Variants in TMEM19 observed in about 807,000 individuals in gnomAD.
TMEM19 encodes transmembrane protein 19.
Under a neutral mutation model 33.6 loss-of-function variants are expected in TMEM19, and 21 were observed. The ratio of observed to expected loss-of-function variants is 0.62; its 90% confidence interval spans 0.44 to 0.90. The LOEUF (loss-of-function observed/expected upper bound fraction) is 0.90. Ranked by LOEUF, TMEM19 falls within the 40% of genes least tolerant of loss-of-function variation. The pLI is 0.00. For missense variants in TMEM19, 402 were observed against 401.8 expected, an observed-to-expected ratio of 1.00 and a Z score of 0.00; for synonymous variants, 149 against 147.5, an observed-to-expected ratio of 1.01 and a Z score of -0.07.
intron 3 of TMEM19, 60 bp from the exon 4 acceptor site, chr12:71,697,220 G>T: frequency 6.5e-7 from 1 of 1,545,674 alleles, no homozygotes; most frequent in Non-Finnish European, 8.6e-7. Context: ...ACCTATAACT[G>T]CATGGTTTTT....
At position 71,698,958 on chromosome 12, in the gene TMEM19, T is replaced by A; in HGVS notation, c.696T>A (p.Phe232Leu). 2 of 1,614,202 alleles carry A rather than the reference T, an allele frequency of 1.2e-6. No homozygotes were observed. The highest frequency in any genetic ancestry group is 4.5e-5 in the East Asian group (2 of 44,882). ...GLVSSLLGGT[F>L]VGIAYFLTQL... ...TCTCCAGTCTCCTTGGTGGTACCTT[T>A]GTGGGCATTGCATACTTCCTCACAC... The change falls in exon 5 of 6, where the codon TTT becomes TTA. Residue 232 changes from phenylalanine to leucine, a missense_variant. By Grantham distance (22) the Phe-to-Leu change is conservative. Coordinates refer to ENST00000266673, the MANE Select transcript of TMEM19 (RefSeq NM_018279.4).
intron 2 of TMEM19, among the ~76,000 whole-genome samples, chr12:71,691,469 TA>T (rs1188116184): frequency 6.6e-6 from 1 of 151,664 alleles, no homozygotes. Context: ...TATGCTTTGC[TA>T]AAAAAAGTTC....
intron 4 of TMEM19, 65 bp from the exon 5 acceptor site, chr12:71,698,835 C>T (rs931408211): frequency 7.0e-7 from 1 of 1,427,602 alleles, no homozygotes; most frequent in Non-Finnish European, 9.8e-7. Flanking sequence ...AGGTACCTTG[C>T]TGTCCTTGCC....
In TMEM19 at chr12:71,689,689, A is replaced by C; in HGVS notation, c.229A>C (p.Ser77Arg). The C allele has an allele frequency of 6.2e-7, 1 of 1,612,472 alleles. No individual in the cohort carries two copies. Among genetic ancestry groups the C allele is most frequent in the Non-Finnish European group, 8.5e-7 (1 of 1,178,606 alleles). The stretch of plus-strand genomic sequence containing the variant: ...CCTTAAAAAGAAAAGTCTAGATCAC[A>C]GTGGGGCTCTAGGAGGTATGTTTTT... Reference protein sequence around the residue: ...NGLKKKSLDHSGALGGLVVGF... With the variant: ...NGLKKKSLDHRGALGGLVVGF... Residue 77 changes from serine to arginine, a missense_variant, in exon 2 of 6, where the codon AGT (serine) becomes CGT (arginine). Physicochemically the swap from Ser to Arg is moderately radical, Grantham distance 110 (BLOSUM62 -1). Coordinates refer to ENST00000266673, the MANE Select transcript of TMEM19 (RefSeq NM_018279.4).
chr12:71,693,860 G>A (rs757611785), intron 2 of TMEM19, among the ~76,000 whole-genome samples: 5 of 152,082 alleles, frequency 3.3e-5, no homozygotes, highest in Non-Finnish European at 5.9e-5. Flanking sequence ...CTTGCCTGCC[G>A]CTATGTAAGA....
At chr12:71,700,732 C>T (rs948494639) in intron 5 of TMEM19, 100 bp from the exon 6 acceptor site, 1 of 1,220,118 alleles carries the variant, frequency 8.2e-7, no homozygotes, top group Non-Finnish European at 1.1e-6. Context: ...TACATGTACC[C>T]TAGAACTTAA....
In TMEM19 at chr12:71,704,798, G is replaced by A. The variant is rs540182828; in HGVS notation, c.*3803G>A. 5 of 152,056 alleles carry A rather than the reference G, an allele frequency of 3.3e-5. No individual in the cohort carries two copies. Among genetic ancestry groups the A allele is most frequent in the Non-Finnish European group, 7.3e-5 (5 of 68,050 alleles). 9.4% of individuals were successfully genotyped at this position (152,056 alleles called of 1,614,324 possible). A position where few individuals can be genotyped will look rare whatever the true frequency, so the allele number is the denominator to read the frequency against. ...GAGCGTGCCACCGCACTCCAGCCTG[G>A]GTGACAGAGCAAGACTCCATCTTGA... On this transcript the variant is annotated 3_prime_UTR_variant, in exon 6 of 6. Transcript: ENST00000266673.
At position 71,703,784 on chromosome 12, in the gene TMEM19, C is replaced by G; in HGVS notation, c.*2789C>G. 4.1e-6 allele frequency: 1 copy of G among 245,720 alleles called. No homozygotes were observed. The highest frequency in any genetic ancestry group is 4.7e-5 in the Admixed American group (1 of 21,468). The allele number at this position is 245,720 out of a possible 1,614,324, so 15.2% of individuals were successfully genotyped here. On this transcript the variant is annotated 3_prime_UTR_variant, in exon 6 of 6. Coordinates refer to ENST00000266673, the MANE Select transcript of TMEM19 (RefSeq NM_018279.4). ...CTAAAGATCATAAAGAGCCTCAGAT[C>G]AAGTTTGGTCAGGTTTTGTCACCAA...
chr12:71,700,547 T>C (rs1426407956), intron 5 of TMEM19, among the ~76,000 whole-genome samples: 1 of 152,154 alleles, frequency 6.6e-6, no homozygotes, highest in Non-Finnish European at 1.5e-5. Flanking sequence ...TCCAGAGGTA[T>C]TGACAGAAAA....
chr12:71,700,607 A>G (rs1356211854), intron 5 of TMEM19, among the ~76,000 whole-genome samples: 2 of 152,214 alleles, frequency 1.3e-5, no homozygotes, highest in African/African-American at 4.8e-5. Context: ...CAAGGGTCCC[A>G]TGTCTCTCAT....
chr12:71,692,676 C>T (rs1224683734), intron 2 of TMEM19, among the ~76,000 whole-genome samples: 2 of 152,026 alleles, frequency 1.3e-5, no homozygotes, highest in Non-Finnish European at 2.9e-5. Context: ...TATCCTAGTG[C>T]TATAACATGC....
rs571178902 is a variant in TMEM19 at position 71,704,734 on chromosome 12, A to T, written c.*3739A>T. 1 of 152,356 alleles carries T rather than the reference A, an allele frequency of 6.6e-6. No homozygotes were observed. Among genetic ancestry groups the T allele is most frequent in the East Asian group, 1.9e-4 (1 of 5,178 alleles). 9.4% of individuals were successfully genotyped at this position (152,356 alleles called of 1,614,324 possible). Reference sequence around the variant, plus strand: ...CTATTCAGGAGGCTGAGGCGTGAGAATCACTTGAACCCAGGAGGCAGAGGT... The same window carrying T: ...CTATTCAGGAGGCTGAGGCGTGAGATTCACTTGAACCCAGGAGGCAGAGGT... On this transcript the variant is annotated 3_prime_UTR_variant, in exon 6 of 6. Transcript: ENST00000266673.
intron 2 of TMEM19, 113 bp from the exon 3 acceptor site, chr12:71,696,323 A>G: frequency 2.0e-6 from 2 of 978,852 alleles, no homozygotes; most frequent in South Asian, 2.8e-5. Flanking sequence ...GCAAATTGCT[A>G]GAAATGTACA....
chr12:71,691,743 A>G (rs1171187432), intron 2 of TMEM19, among the ~76,000 whole-genome samples: 4 of 128,348 alleles, frequency 3.1e-5, no homozygotes, highest in Non-Finnish European at 5.3e-5. Context: ...TGTCAAAAAG[A>G]AAAAAAAAAA....
At position 71,686,444 on chromosome 12, in the gene TMEM19, G is replaced by A. The variant is rs1172958871; in HGVS notation, c.-237G>A. The stretch of plus-strand genomic sequence containing the variant: ...CGGCGACCGGCCCTCACCGTCCGCC[G>A]GGTTGCGCTCTGCTTTTGCGGTGAG... On this transcript the variant is annotated 5_prime_UTR_variant, in exon 1 of 6. Transcript: ENST00000266673. 9 of 379,346 alleles carry A rather than the reference G, an allele frequency of 2.4e-5. No individual in the cohort carries two copies. In the East Asian group the frequency reaches 4.2e-4, roughly 18 times the overall value. The allele number at this position is 379,346 out of a possible 1,614,324, so 23.5% of individuals were successfully genotyped here. A position where few individuals can be genotyped will look rare whatever the true frequency, so the allele number is the denominator to read the frequency against.
rs1882025458 is a variant in TMEM19, at chr12:71,703,734, T to C, written c.*2739T>C. The C allele has an allele frequency of 5.3e-6, 1 of 187,354 alleles. No homozygotes were observed. The highest frequency in any genetic ancestry group is 5.6e-5 in the Admixed American group (1 of 17,812). 11.6% of individuals were successfully genotyped at this position (187,354 alleles called of 1,614,324 possible). ...AATATACTCCTATTTTTGTGGTGAT[T>C]TATGAACATCCCCACTAAGTATAAC... On this transcript the variant is annotated 3_prime_UTR_variant, in exon 6 of 6. Coordinates refer to ENST00000266673, the MANE Select transcript of TMEM19 (RefSeq NM_018279.4).
chr12:71,687,489 G>A (rs905048426), intron 1 of TMEM19, among the ~76,000 whole-genome samples: 11 of 151,970 alleles, frequency 7.2e-5, no homozygotes, highest in Non-Finnish European at 1.5e-4. Flanking sequence ...CCCTGGAGGC[G>A]GAGGTTGCAG....
chr12:71,700,988 G>C lies in TMEM19; in HGVS notation c.1004G>C (p.Arg335Thr). ...ACTGCTGCTTGGGGTTTTTGGCCCA[G>C]GGGGTGAACTTTATTTCATTTCCAC... is the stretch of plus-strand genomic sequence containing the variant. ...LPTAAWGFWPRG is the reference protein window; with the variant it reads ...LPTAAWGFWPTG The change falls in exon 6 of 6, where the codon AGG becomes ACG. Residue 335 changes from arginine (R) to threonine (T), a missense_variant. Arg to Thr is a moderately conservative substitution (Grantham distance 71). Transcript: ENST00000266673. 2.5e-6 allele frequency: 4 copies of C among 1,606,934 alleles called. No homozygotes were observed. Among genetic ancestry groups the C allele is most frequent in the Non-Finnish European group, 3.4e-6 (4 of 1,176,954 alleles).
At chr12:71,696,157 C>G (rs1232423490) in intron 2 of TMEM19, among the ~76,000 whole-genome samples, 1 of 151,980 alleles carries the variant, frequency 6.6e-6, no homozygotes, top group African/African-American at 2.4e-5. Flanking sequence ...ATCTCTATTT[C>G]TAATTTTTTT....
Sources: gnomAD v4.1 joint callset for allele counts (sites outside exome capture counted in the v4.1 genomes callset) on GRCh38, gnomAD v4.1.1 for gene constraint, MANE v1.5 for transcripts, NCBI Gene and HGNC (gene_info 2026-07-23, HGNC 2026-07-21) for gene names.